KCND2: variants seen among roughly 807,000 people sequenced by gnomAD.
The protein encoded by KCND2 is A-type voltage-gated potassium channel KCND2.
In KCND2, 16 loss-of-function variants were observed where a neutral mutation model predicts 54.4. The observed-to-expected ratio is 0.29, with a 90% CI of 0.20 to 0.45. The LOEUF (loss-of-function observed/expected upper bound fraction) is 0.45. Ranked by LOEUF, KCND2 falls within the 20% of genes least tolerant of loss-of-function variation. The pLI, the probability that KCND2 is intolerant of heterozygous loss-of-function variation, is 1.00. For missense variants in KCND2, 486 were observed against 824.2 expected, an observed-to-expected ratio of 0.59 and a Z score of 5.02; for synonymous variants, 317 against 310.7, an observed-to-expected ratio of 1.02 and a Z score of -0.21.
chr7:120,720,671 G>A (rs2116102294), intron 1 of KCND2, among the ~76,000 whole-genome samples: 1 of 152,260 alleles, frequency 6.6e-6, no homozygotes, highest in South Asian at 2.1e-4. Context: ...TTGAAAGACT[G>A]TTGAAGTTCC....
chr7:120,466,015 A>G (rs1802362765), intron 1 of KCND2, among the ~76,000 whole-genome samples: 1 of 152,142 alleles, frequency 6.6e-6, no homozygotes, highest in South Asian at 2.1e-4. Context: ...TGACATTTGG[A>G]GATAATTATT....
chr7:120,674,257 G>A (rs948259702), intron 1 of KCND2, among the ~76,000 whole-genome samples: 2 of 152,070 alleles, frequency 1.3e-5, no homozygotes, highest in African/African-American at 2.4e-5. Context: ...TGACATTTGT[G>A]GATAGTCTTA....
At chr7:120,345,783 G>A (rs189067499) in intron 1 of KCND2, among the ~76,000 whole-genome samples, 162 of 152,254 alleles carry the variant, frequency 1.1e-3, no homozygotes, top group Non-Finnish European at 1.7e-3. Flanking sequence ...TTTTGGTGAT[G>A]GTGAATAATG....
At chr7:120,533,230 A>T (rs1791863678) in intron 1 of KCND2, among the ~76,000 whole-genome samples, 1 of 152,108 alleles carries the variant, frequency 6.6e-6, no homozygotes, top group Admixed American at 6.6e-5. Context: ...TGTTATGTGA[A>T]AACTTTTCTA....
At chr7:120,569,202 A>G (rs947408287) in intron 1 of KCND2, among the ~76,000 whole-genome samples, 2 of 152,106 alleles carry the variant, frequency 1.3e-5, no homozygotes, top group African/African-American at 2.4e-5. Context: ...TCCAGTTGTC[A>G]TCTTCCTCGG....
At chr7:120,352,700 T>A (rs77662050) in intron 1 of KCND2, among the ~76,000 whole-genome samples, 1 of 152,270 alleles carries the variant, frequency 6.6e-6, no homozygotes, top group Non-Finnish European at 1.5e-5. Context: ...TTAGCTTACA[T>A]GTGTTAAAAT....
intron 1 of KCND2, among the ~76,000 whole-genome samples, chr7:120,558,286 T>C (rs1792188891): frequency 6.6e-6 from 1 of 152,152 alleles, no homozygotes; most frequent in Admixed American, 6.5e-5. Context: ...AGAATATAAA[T>C]GGCCCTGATG....
chr7:120,386,761 T>C (rs541459128), intron 1 of KCND2, among the ~76,000 whole-genome samples: 6 of 152,258 alleles, frequency 3.9e-5, no homozygotes, highest in African/African-American at 1.2e-4. Context: ...CCCTCTTTAT[T>C]GTCTTAACCT....
chr7:120,397,291 A>G (rs1196447916), intron 1 of KCND2, among the ~76,000 whole-genome samples: 1 of 152,002 alleles, frequency 6.6e-6, no homozygotes, highest in African/African-American at 2.4e-5. Flanking sequence ...ACCCAAGAAT[A>G]TTTCTACAGT....
intron 1 of KCND2, among the ~76,000 whole-genome samples, chr7:120,335,468 C>CTTATTTAG: frequency 9.0e-6 from 1 of 110,662 alleles, no homozygotes; most frequent in South Asian, 2.5e-4. Context: ...TACTTACTTA[C>CTTATTTAG]TTATTTATTT....
At chr7:120,309,885 T>A (rs1406351696) in intron 1 of KCND2, among the ~76,000 whole-genome samples, 1 of 152,200 alleles carries the variant, frequency 6.6e-6, no homozygotes, top group African/African-American at 2.4e-5. Flanking sequence ...GGGAATTTCT[T>A]TTCATGGGCC....
intron 1 of KCND2, among the ~76,000 whole-genome samples, chr7:120,709,974 T>C (rs1458944119): frequency 6.6e-6 from 1 of 152,142 alleles, no homozygotes. Context: ...AGCTCAAAGA[T>C]AAAATTAAGA....
rs112632959 is a variant in KCND2, at chr7:120,474,646, G to A, written c.1115+198899G>A. Among the ~76,000 whole-genome samples the A allele has an allele frequency of 9.2e-3, 1,399 of 151,830 alleles. 17 individuals are homozygous for A. The highest frequency in any genetic ancestry group is 0.034 in the Middle Eastern group (10 of 292). Reference sequence around the variant, plus strand: ...CCCAAAGTGCTGGGATTACAGGCCTGAATTAATTAATGAGGTGTAGAAGCA... The same window carrying A: ...CCCAAAGTGCTGGGATTACAGGCCTAAATTAATTAATGAGGTGTAGAAGCA... On this transcript the variant is annotated intron_variant, in intron 1 of 5. Transcript: ENST00000331113.
intron 1 of KCND2, among the ~76,000 whole-genome samples, chr7:120,379,941 T>C (rs573468597): frequency 6.6e-6 from 1 of 152,084 alleles, no homozygotes; most frequent in Non-Finnish European, 1.5e-5. Context: ...CTAATTATGA[T>C]ACTCCTATGA....
chr7:120,654,544 A>G (rs1418906983), intron 1 of KCND2, among the ~76,000 whole-genome samples: 2 of 152,226 alleles, frequency 1.3e-5, no homozygotes, highest in Non-Finnish European at 2.9e-5. Flanking sequence ...AAGTGATTAT[A>G]ATAGTAAAAG....
In KCND2 at chr7:120,742,037, G is replaced by A. The variant is rs532422065; in HGVS notation, c.1374+408G>A. Reference sequence around the variant, plus strand: ...TCTTGTTTTACTTCATAACGAAGAGGGAATACTATTCAGTGTTAGGAAGAT... The same window carrying A: ...TCTTGTTTTACTTCATAACGAAGAGAGAATACTATTCAGTGTTAGGAAGAT... On this transcript the variant is annotated intron_variant, in intron 3 of 5. Coordinates refer to ENST00000331113, the MANE Select transcript of KCND2 (RefSeq NM_012281.3). 3.9e-5 allele frequency among the ~76,000 whole-genome samples: 6 copies of A among 152,148 alleles called. No homozygotes were observed. The South Asian group carries it at 1.2e-3, about 32-fold the overall frequency.
At chr7:120,509,582 G>A (rs1459297471) in intron 1 of KCND2, among the ~76,000 whole-genome samples, 2 of 151,944 alleles carry the variant, frequency 1.3e-5, no homozygotes, top group South Asian at 2.1e-4. Flanking sequence ...ACACCACAGC[G>A]GTTCTGTGGC....
intron 1 of KCND2, among the ~76,000 whole-genome samples, chr7:120,495,565 C>T (rs1232385941): frequency 6.6e-6 from 1 of 152,130 alleles, no homozygotes; most frequent in African/African-American, 2.4e-5. Flanking sequence ...TAACTTTTCC[C>T]CATCCCCTGG....
At chr7:120,352,449 C>T (rs1390551780) in intron 1 of KCND2, among the ~76,000 whole-genome samples, 2 of 105,014 alleles carry the variant, frequency 1.9e-5, no homozygotes, top group East Asian at 2.8e-4. Flanking sequence ...AATATATATA[C>T]ACACATACAT....
Sources: gnomAD v4.1 joint callset for allele counts (sites outside exome capture counted in the v4.1 genomes callset) on GRCh38, gnomAD v4.1.1 for gene constraint, MANE v1.5 for transcripts, NCBI Gene and HGNC (gene_info 2026-07-23, HGNC 2026-07-21) for gene names.